Variants in GREB1 observed in about 807,000 individuals in gnomAD.
The protein encoded by GREB1 is growth regulating estrogen receptor binding 1, also known as protein GREB1.
In GREB1, 106 loss-of-function variants were observed where a neutral mutation model predicts 200.7. The ratio of observed to expected loss-of-function variants is 0.53; its 90% CI spans 0.45 to 0.62. GREB1 has a LOEUF of 0.62. GREB1 is among the 20% of genes least tolerant of loss of function. The probability of loss-of-function intolerance (pLI) is 0.00; values close to 1 mark genes in which losing one functional copy is unlikely to be tolerated. For synonymous variants in GREB1, 1,132 were observed against 1,092.4 expected, an observed-to-expected ratio of 1.04 and a Z score of -0.72; for missense variants, 2,243 against 2,556.8, an observed-to-expected ratio of 0.88 and a Z score of 2.65.
In GREB1 at chr2:11,522,200, C is replaced by G. The variant is rs544565953; in HGVS notation, c.-158-34257C>G. Among the ~76,000 whole-genome samples, 3 of 152,132 alleles carry G rather than the reference C, an allele frequency of 2.0e-5. No individual in the cohort carries two copies. The South Asian group carries it at 6.2e-4, about 32-fold the overall frequency. ...TTTTTTTTGGGTGTTAACATTAATT[C>G]TAAATATGAATGAGTCCCAGGAGAA... On this transcript the variant is annotated intron_variant, in intron 1 of 2. Coordinates refer to the GREB1 transcript ENST00000628795.
At chr2:11,585,357 T>C in intron 8 of GREB1, 83 bp downstream of exon 8, 2 of 811,238 alleles carry the variant, frequency 2.5e-6, no homozygotes, top group Non-Finnish European at 3.9e-6. Flanking sequence ...TGTGTGCGTG[T>C]GTGCGTGCGC....
At chr2:11,483,212 C>G (rs1451033126) in intron 1 of GREB1, among the ~76,000 whole-genome samples, 3 of 151,004 alleles carry the variant, frequency 2.0e-5, no homozygotes, top group African/African-American at 7.3e-5. Context: ...TGTGGGCGCG[C>G]GTGTGTGTGG....
intron 1 of GREB1, among the ~76,000 whole-genome samples, chr2:11,553,651 A>G (rs937037007): frequency 6.6e-6 from 1 of 151,734 alleles, no homozygotes; most frequent in Non-Finnish European, 1.5e-5. Context: ...GGGCTTCATC[A>G]TACCTCTTCC....
At chr2:11,619,690 T>C (rs1683840183) in intron 22 of GREB1, among the ~76,000 whole-genome samples, 1 of 152,230 alleles carries the variant, frequency 6.6e-6, no homozygotes, top group African/African-American at 2.4e-5. Flanking sequence ...TACTGGTCGT[T>C]GATACTTCTT....
intron 16 of GREB1, among the ~76,000 whole-genome samples, chr2:11,601,349 C>A (rs890359485): frequency 6.6e-6 from 1 of 152,188 alleles, no homozygotes; most frequent in Non-Finnish European, 1.5e-5. Flanking sequence ...TACAGAGCAA[C>A]GCTTAATGTC....
At chr2:11,607,560 A>G (rs1364611142) in intron 17 of GREB1, among the ~76,000 whole-genome samples, 1 of 136,782 alleles carries the variant, frequency 7.3e-6, no homozygotes, top group Admixed American at 7.7e-5. Flanking sequence ...ACATACATAT[A>G]TATACGCATA....
chr2:11,589,215 G>A (rs778416117), intron 10 of GREB1, among the ~76,000 whole-genome samples: 1 of 152,214 alleles, frequency 6.6e-6, no homozygotes, highest in African/African-American at 2.4e-5. Context: ...TCCTTGAGGC[G>A]ATTCTAGTCT....
At chr2:11,637,558 T>C (rs1045954563) in intron 30 of GREB1, among the ~76,000 whole-genome samples, 158 bp from the exon 31 acceptor site, 3 of 152,342 alleles carry the variant, frequency 2.0e-5, no homozygotes, top group African/African-American at 7.2e-5. Context: ...AACCTAATCT[T>C]TCTCAATAGA....
At chr2:11,521,897 C>T (rs62120186) in intron 1 of GREB1, among the ~76,000 whole-genome samples, 26,456 of 152,180 alleles carry the variant, frequency 0.17, 2,439 homozygotes, top group African/African-American at 0.24. Flanking sequence ...ATGTACTCCA[C>T]TGTACCAGGC....
intron 4 of GREB1, among the ~76,000 whole-genome samples, chr2:11,575,408 G>T (rs1481637267): frequency 1.3e-5 from 2 of 152,212 alleles, no homozygotes; most frequent in Non-Finnish European, 2.9e-5. Flanking sequence ...GTGTATGAAG[G>T]TCTTTTCAAG....
chr2:11,620,217 C>T lies in GREB1; in HGVS notation c.4045-688C>T, dbSNP rs1040622253. On this transcript the variant is annotated intron_variant, in intron 22 of 32. Transcript: ENST00000381486. The stretch of plus-strand genomic sequence containing the variant: ...GTCTGGATCTCTTGACCTCGTGATC[C>T]GCCCGCCTCAGCCTCCCAAAGTGCT... Among the ~76,000 whole-genome samples the T allele has an allele frequency of 7.2e-5, 11 of 152,214 alleles. No homozygotes were observed. In the East Asian group the frequency reaches 1.2e-3, roughly 16 times the overall value.
intron 27 of GREB1, 33 bp from the exon 28 acceptor site, chr2:11,632,856 C>G: frequency 1.3e-6 from 2 of 1,598,678 alleles, no homozygotes; most frequent in Non-Finnish European, 1.7e-6. Context: ...GGGTGCAGGT[C>G]AGTCCTGAGT....
At chr2:11,549,668 T>C (rs1157082570) in intron 1 of GREB1, among the ~76,000 whole-genome samples, 2 of 152,230 alleles carry the variant, frequency 1.3e-5, no homozygotes, top group African/African-American at 4.8e-5. Flanking sequence ...ATTTCTGTTA[T>C]TGTTTAAACA....
In GREB1 at chr2:11,538,723, CCT is replaced by C. The variant is rs1207173373; in HGVS notation, c.-162+4477_-162+4478del. On this transcript the variant is annotated intron_variant, in intron 1 of 32. Transcript: ENST00000381486. ...CTCCCTCCCTCCCTTCCTCCCTCCC[CCT>C]CTCTCTCACTTTCCCTTCCTTCTTT... Among the ~76,000 whole-genome samples the C allele has an allele frequency of 9.8e-5, 12 of 121,922 alleles. No individual in the cohort carries two copies. The East Asian group carries it at 1.0e-3, about 11-fold the overall frequency. The allele number at this position is 121,922 out of a possible 152,430, so 80.0% of individuals were successfully genotyped here.
chr2:11,612,862 G>A (rs1479703591), intron 19 of GREB1, among the ~76,000 whole-genome samples: 5 of 152,318 alleles, frequency 3.3e-5, no homozygotes, highest in Non-Finnish European at 2.9e-5. Context: ...CAGGCTCTAC[G>A]GGTGGAGGCT....
intron 4 of GREB1, among the ~76,000 whole-genome samples, chr2:11,574,487 G>A (rs879799816): frequency 6.6e-6 from 1 of 152,182 alleles, no homozygotes; most frequent in Non-Finnish European, 1.5e-5. Flanking sequence ...GCCTGTGGGT[G>A]GAGGGCAGTG....
chr2:11,548,746 GC>G lies in GREB1; in HGVS notation c.-161-7703del, dbSNP rs775255867. ...ACCCTCTGTTGGATCCCCCATCCTG[GC>G]CCCCTGGCTTCACAATTGTTAATTT... On this transcript the variant is annotated intron_variant, in intron 1 of 32. Coordinates refer to ENST00000381486, the MANE Select transcript of GREB1 (RefSeq NM_014668.4). The surrounding 1 kb of genome is among the most constrained non-coding windows in gnomAD (Gnocchi z 5.1). Among the ~76,000 whole-genome samples the G allele has an allele frequency of 1.5e-4, 22 of 151,706 alleles. No individual in the cohort carries two copies. The highest frequency in any genetic ancestry group is 1.9e-4 in the Non-Finnish European group (13 of 67,962).
At chr2:11,605,609 C>T (rs1257605207) in intron 17 of GREB1, among the ~76,000 whole-genome samples, 1 of 152,112 alleles carries the variant, frequency 6.6e-6, no homozygotes, top group Non-Finnish European at 1.5e-5. Context: ...TTCTCCTGGC[C>T]CTTTGTAATT....
intron 1 of GREB1, among the ~76,000 whole-genome samples, chr2:11,501,540 C>T (rs923064706): frequency 3.3e-5 from 5 of 151,950 alleles, no homozygotes; most frequent in East Asian, 2.0e-4. Context: ...ACTACAGGCA[C>T]GTGCCACCAT....
Sources: gnomAD v4.1 joint callset for allele counts (sites outside exome capture counted in the v4.1 genomes callset) on GRCh38, gnomAD v4.1.1 for gene constraint, Gnocchi (gnomAD v3.1) non-coding constraint, MANE v1.5 for transcripts, NCBI Gene and HGNC (gene_info 2026-07-23, HGNC 2026-07-21) for gene names.